The following HERC2 variants were observed in gnomAD, a reference collection of about 807,000 sequenced individuals.
HERC2 encodes the protein HECT and RLD domain containing E3 ubiquitin protein ligase 2, also known as E3 ubiquitin-protein ligase HERC2.
A neutral mutation model predicts 537.7 loss-of-function variants in HERC2; 102 were observed. The observed-to-expected ratio is 0.19, with a 90% CI of 0.16 to 0.22. HERC2 has a LOEUF of 0.22. Ranked by LOEUF, HERC2 falls within the 10% of genes least tolerant of loss-of-function variation. The pLI is 1.00. For synonymous variants in HERC2, 2,224 were observed against 2,466.2 expected (o/e 0.90, Z 2.91); for missense variants, 4,236 against 6,198.2 (o/e 0.68, Z 10.63).
At position 28,176,937 on chromosome 15, in the gene HERC2, T is replaced by A. The variant is rs377658274; in HGVS notation, c.9432+13A>T. The A allele has an allele frequency of 6.2e-7, 1 of 1,605,416 alleles. No homozygotes were observed. Among genetic ancestry groups the A allele is most frequent in the African/African-American group, 1.3e-5 (1 of 74,710 alleles). On this transcript the variant is annotated intron_variant, in intron 61 of 92. Coordinates refer to ENST00000261609, the MANE Select transcript of HERC2 (RefSeq NM_004667.6). This position sits in a 1 kb window ranked among gnomAD's most constrained non-coding sequence, Gnocchi z 5.0. ...GTAAGCTTTCTGCAAGCAACAAAAA[T>A]GCGTATAATCACCATTTTGGGCTTT...
intron 16 of HERC2, among the ~76,000 whole-genome samples, chr15:28,259,572 A>G (rs749320937): frequency 6.6e-6 from 1 of 152,218 alleles, no homozygotes; most frequent in Non-Finnish European, 1.5e-5. Context: ...AGTATAACAC[A>G]AAGAAAGAAA....
At chr15:28,319,517 G>A (rs1231391971) in intron 2 of HERC2, among the ~76,000 whole-genome samples, 3 of 150,520 alleles carry the variant, frequency 2.0e-5, no homozygotes, top group Admixed American at 6.6e-5. Flanking sequence ...TTCGGGAGGC[G>A]GAAGTTGCAG....
intron 78 of HERC2, among the ~76,000 whole-genome samples, chr15:28,136,471 C>T (rs1452201557): frequency 6.6e-6 from 1 of 152,256 alleles, no homozygotes; most frequent in African/African-American, 2.4e-5. Context: ...ATGCAGCATG[C>T]CTCCCAGGAC....
intron 4 of HERC2, among the ~76,000 whole-genome samples, chr15:28,290,453 C>G (rs1267003031): frequency 6.6e-6 from 1 of 152,146 alleles, no homozygotes; most frequent in Non-Finnish European, 1.5e-5. Flanking sequence ...TGGTCTCAAA[C>G]TCCTGACCTC....
Position 28,248,533 on chromosome 15 carries a change from C to T in HERC2, c.3235+19G>A. The T allele has an allele frequency of 6.2e-7, 1 of 1,601,464 alleles. No homozygotes were observed. The highest frequency in any genetic ancestry group is 8.6e-7 in the Non-Finnish European group (1 of 1,169,260). The stretch of plus-strand genomic sequence containing the variant: ...GCCCCGATCACATACAAGACACTTT[C>T]ACATTTTAAGCAACTTACTAGAAAT... On this transcript the variant is annotated intron_variant, in intron 21 of 92. Transcript: ENST00000261609.
intron 83 of HERC2, 128 bp downstream of exon 83, chr15:28,130,035 A>T: frequency 2.6e-6 from 3 of 1,147,566 alleles, no homozygotes; most frequent in Non-Finnish European, 3.7e-6. Flanking sequence ...AGCCTCCCAA[A>T]GTGCTGGGGC....
chr15:28,293,971 A>C (rs1393746952), intron 3 of HERC2, among the ~76,000 whole-genome samples: 3 of 152,262 alleles, frequency 2.0e-5, no homozygotes, highest in Admixed American at 6.5e-5. Context: ...GGCTGTGACT[A>C]AATGTCTAAC....
At chr15:28,250,405 T>C (rs1024254352) in intron 20 of HERC2, among the ~76,000 whole-genome samples, 10 of 152,168 alleles carry the variant, frequency 6.6e-5, no homozygotes, top group Non-Finnish European at 1.2e-4. Context: ...GAATCTAACA[T>C]GTATGCTACA....
At chr15:28,217,295 C>T (rs984544384) in intron 38 of HERC2, among the ~76,000 whole-genome samples, 29 of 152,138 alleles carry the variant, frequency 1.9e-4, no homozygotes, top group Non-Finnish European at 2.4e-4. Flanking sequence ...CCCACTTCAC[C>T]TGAATGTAGT....
intron 75 of HERC2, 91 bp downstream of exon 75, chr15:28,142,736 C>G: frequency 6.9e-7 from 1 of 1,442,672 alleles, no homozygotes; most frequent in Non-Finnish European, 9.5e-7. Context: ...CCCTCAGAGG[C>G]CTAAAACACA....
chr15:28,266,429 C>T (rs540334340), intron 12 of HERC2, among the ~76,000 whole-genome samples: 3 of 152,152 alleles, frequency 2.0e-5, no homozygotes, highest in South Asian at 4.2e-4. Context: ...GCAGGAGAAT[C>T]GCTTGAACCT....
At chr15:28,181,557 A>C (rs1895819978) in intron 57 of HERC2, among the ~76,000 whole-genome samples, 5 of 152,236 alleles carry the variant, frequency 3.3e-5, no homozygotes, top group Admixed American at 1.3e-4. Context: ...GTGATGTCTC[A>C]CAGAATACTA....
intron 4 of HERC2, 60 bp from the exon 5 acceptor site, chr15:28,280,347 A>G (rs2075990009): frequency 3.6e-6 from 5 of 1,378,436 alleles, no homozygotes; most frequent in Non-Finnish European, 5.0e-6. Context: ...GTTTGTTGCA[A>G]TGTTGAGAAA....
At position 28,113,566 on chromosome 15, in the gene HERC2, G is replaced by A. The variant is rs767982521; in HGVS notation, c.14019+7C>T. The A allele has an allele frequency of 4.6e-5, 74 of 1,611,982 alleles. 1 individual carries two copies. Among genetic ancestry groups the A allele is most frequent in the Admixed American group, 1.3e-4 (8 of 59,994 alleles). On this transcript the variant is annotated splice_region_variant and intron_variant, in intron 91 of 92. Coordinates refer to ENST00000261609, the MANE Select transcript of HERC2 (RefSeq NM_004667.6). This position sits in a 1 kb window ranked among gnomAD's most constrained non-coding sequence, Gnocchi z 7.0. Reference sequence around the variant, plus strand: ...TGCAGGGCAGCCCCACCTGGGGGTCGGCATACCATCGTCTCCAGTTCGTAG... The same window carrying A: ...TGCAGGGCAGCCCCACCTGGGGGTCAGCATACCATCGTCTCCAGTTCGTAG...
At chr15:28,188,338 C>T (rs1435243678) in intron 55 of HERC2, among the ~76,000 whole-genome samples, 1 of 151,864 alleles carries the variant, frequency 6.6e-6, no homozygotes, top group African/African-American at 2.4e-5. Context: ...GTCAGGAGAT[C>T]GAGACCATCC....
In HERC2 at chr15:28,114,490, G is replaced by A. The variant is rs186463434; in HGVS notation, c.13913+122C>T. 73 of 824,202 alleles carry A rather than the reference G, an allele frequency of 8.9e-5. No homozygotes were observed. The Admixed American group carries it at 1.1e-3, about 12-fold the overall frequency. The allele number at this position is 824,202 out of a possible 1,614,324, so 51.1% of individuals were successfully genotyped here. A position where few individuals can be genotyped will look rare whatever the true frequency, so the allele number is the denominator to read the frequency against. On this transcript the variant is annotated intron_variant, in intron 90 of 92. Transcript: ENST00000261609. ...GCTTTATACCCACAGATCAGCAATA[G>A]TTGGAGCCAAATCCATTACTTTACT... is the stretch of plus-strand genomic sequence containing the variant.
At chr15:28,289,430 C>G (rs1044146780) in intron 4 of HERC2, among the ~76,000 whole-genome samples, 30 of 152,158 alleles carry the variant, frequency 2.0e-4, no homozygotes, top group African/African-American at 7.2e-4. Context: ...TGAAGCAAAA[C>G]CTGCAGAGCT....
intron 74 of HERC2, 73 bp downstream of exon 74, chr15:28,143,800 G>A: frequency 1.9e-6 from 3 of 1,587,774 alleles, no homozygotes; most frequent in Non-Finnish European, 2.6e-6. Context: ...CGATTTAGAG[G>A]TTTAGACTAC....
chr15:28,250,640 C>T (rs1433140943), intron 20 of HERC2, among the ~76,000 whole-genome samples: 3 of 152,114 alleles, frequency 2.0e-5, no homozygotes, highest in Admixed American at 6.6e-5. Context: ...TGGCAAGCAG[C>T]GATTTCTCCA....
Sources: gnomAD v4.1 joint callset for allele counts (sites outside exome capture counted in the v4.1 genomes callset) on GRCh38, gnomAD v4.1.1 for gene constraint, Gnocchi (gnomAD v3.1) non-coding constraint, MANE v1.5 for transcripts, NCBI Gene and HGNC (gene_info 2026-07-23, HGNC 2026-07-21) for gene names.